Variants in RASA1 observed in about 807,000 individuals in gnomAD.
RASA1 encodes the protein ras GTPase-activating protein 1.
Under a neutral mutation model 132.2 loss-of-function variants are expected in RASA1, and 25 were observed. The observed-to-expected ratio is 0.19, with a 90% CI of 0.14 to 0.26. The LOEUF is 0.26. RASA1 is among the 10% of genes least tolerant of loss of function. The pLI is 1.00. For missense variants in RASA1, 964 were observed against 1,299.2 expected, an observed-to-expected ratio of 0.74 and a Z score of 3.97; for synonymous variants, 477 against 449.9, an observed-to-expected ratio of 1.06 and a Z score of -0.76.
At chr5:87,332,815 G>A (rs1004430519) in intron 3 of RASA1, among the ~76,000 whole-genome samples, 173 bp downstream of exon 3, 43 of 151,652 alleles carry the variant, frequency 2.8e-4, no homozygotes, top group Non-Finnish European at 5.5e-4. Flanking sequence ...GAAAAAAAAA[G>A]AAAATATTTT....
intron 1 of RASA1, among the ~76,000 whole-genome samples, chr5:87,312,116 A>G (rs1255597800): frequency 1.3e-5 from 2 of 152,270 alleles, no homozygotes; most frequent in Non-Finnish European, 2.9e-5. Context: ...GCAACCTATG[A>G]TATGCATCAG....
chr5:87,353,544 A>G (rs751700533), intron 9 of RASA1, among the ~76,000 whole-genome samples: 1 of 152,084 alleles, frequency 6.6e-6, no homozygotes, highest in Non-Finnish European at 1.5e-5. Flanking sequence ...CACAGCCAGG[A>G]TTATTAAAGC....
intron 22 of RASA1, among the ~76,000 whole-genome samples, chr5:87,386,498 T>C (rs1762069901): frequency 6.6e-6 from 1 of 152,086 alleles, no homozygotes; most frequent in South Asian, 2.1e-4. Flanking sequence ...ATAAACAATT[T>C]GTGTCTGCCA....
At chr5:87,305,537 A>C (rs1361928131) in intron 1 of RASA1, among the ~76,000 whole-genome samples, 1 of 152,234 alleles carries the variant, frequency 6.6e-6, no homozygotes, top group Non-Finnish European at 1.5e-5. Context: ...AAAACCCTGG[A>C]AGACAACATA....
rs535462783 is a variant in RASA1 at position 87,361,241 on chromosome 5, G to C, written c.1333-1310G>C. Among the ~76,000 whole-genome samples, 4 of 152,332 alleles carry C rather than the reference G, an allele frequency of 2.6e-5. No homozygotes were observed. The South Asian group carries it at 6.2e-4, about 24-fold the overall frequency. The stretch of plus-strand genomic sequence containing the variant: ...GTAAAACTTTATGTATAAAAAACAG[G>C]TGGTGGACTGGATTTAGCATGCGTG... On this transcript the variant is annotated intron_variant, in intron 9 of 24. Transcript: ENST00000274376.
rs1760193008 is a variant in RASA1 at position 87,362,580 on chromosome 5, G to A, written c.1362G>A (p.Val454=). The A allele has an allele frequency of 6.3e-7, 1 of 1,595,610 alleles. No homozygotes were observed. The highest frequency in any genetic ancestry group is 1.3e-5 in the African/African-American group (1 of 74,436). ...AAGAACAAGTACTCAATGACACAGT[G>A]GATGGCAAGGAAATCTATAATACCA... The part of the protein sequence containing the change: ...QDQEQVLNDT[V]DGKEIYNTIR... Residue 454 remains valine, a synonymous_variant, in exon 10 of 25, where the codon GTG becomes GTA. Transcript: ENST00000274376.
chr5:87,313,192 C>T (rs1234608829), intron 1 of RASA1, among the ~76,000 whole-genome samples: 1 of 152,126 alleles, frequency 6.6e-6, no homozygotes, highest in Admixed American at 6.5e-5. Flanking sequence ...GATCAAATGG[C>T]ATTTTATACT....
chr5:87,354,119 T>TA (rs1191098258), intron 9 of RASA1, among the ~76,000 whole-genome samples: 3 of 151,882 alleles, frequency 2.0e-5, no homozygotes, highest in Non-Finnish European at 1.5e-5. Context: ...AGCTACTACT[T>TA]ATTGCAGTTA....
chr5:87,338,057 A>G lies in RASA1; in HGVS notation c.983A>G (p.Gln328Arg). 1 of 1,612,378 alleles carries G rather than the reference A, an allele frequency of 6.2e-7. No individual in the cohort carries two copies. The highest frequency in any genetic ancestry group is 8.5e-7 in the Non-Finnish European group (1 of 1,179,062). Reference protein sequence around the residue: ...MWVTNLRTDEQGLIVEDLVEE... With the variant: ...MWVTNLRTDERGLIVEDLVEE... ...GTTACAAATTTAAGAACAGATGAACAAGGCCTTATTGTTGAAGACCTAGTA... is the reference window on the plus strand; with the variant it reads ...GTTACAAATTTAAGAACAGATGAACGAGGCCTTATTGTTGAAGACCTAGTA... The change falls in exon 5 of 25, where the codon CAA (glutamine) becomes CGA (arginine). Residue 328 changes from glutamine (Q) to arginine (R), a missense_variant. This residue lies in a region of RASA1 where 154 missense variants were observed against 286.5 expected (regional missense o/e 0.54). Coordinates refer to ENST00000274376, the MANE Select transcript of RASA1 (RefSeq NM_002890.3).
intron 1 of RASA1, among the ~76,000 whole-genome samples, chr5:87,308,897 A>G (rs575992693): frequency 2.0e-5 from 3 of 152,334 alleles, no homozygotes; most frequent in East Asian, 1.9e-4. Flanking sequence ...TTGTGTATGT[A>G]TACTTTATGA....
chr5:87,271,556 C>T (rs1417209009), intron 1 of RASA1, among the ~76,000 whole-genome samples: 1 of 148,152 alleles, frequency 6.7e-6, no homozygotes, highest in East Asian at 2.0e-4. Context: ...GCAAGCTCCG[C>T]CCCGCCCCTC....
At chr5:87,300,715 G>C (rs1755322968) in intron 1 of RASA1, among the ~76,000 whole-genome samples, 1 of 152,144 alleles carries the variant, frequency 6.6e-6, no homozygotes, top group Non-Finnish European at 1.5e-5. Flanking sequence ...CATACTATTA[G>C]AAGAGCTTTT....
At position 87,268,934 on chromosome 5, in the gene RASA1, A is replaced by G; in HGVS notation, c.483A>G (p.Gly161=). 6.2e-7 allele frequency: 1 copy of G among 1,614,128 alleles called. No individual in the cohort carries two copies. The highest frequency in any genetic ancestry group is 1.7e-5 in the Admixed American group (1 of 60,020). Reference sequence around the variant, plus strand: ...TGGACGAAGGTGACTCTCTGGATGGACCAGAATACGAGGAGGAAGAGGTGG... The same window carrying G: ...TGGACGAAGGTGACTCTCTGGATGGGCCAGAATACGAGGAGGAAGAGGTGG... ...GTVDEGDSLD[G]PEYEEEEVAI... Residue 161 remains glycine, a synonymous_variant, in exon 1 of 25, where the codon GGA becomes GGG. Coordinates refer to ENST00000274376, the MANE Select transcript of RASA1 (RefSeq NM_002890.3).
Position 87,349,248 on chromosome 5 carries a change from A to T in RASA1, c.1137A>T (p.Ser379=). The T allele has an allele frequency of 1.2e-6, 2 of 1,612,174 alleles. No individual in the cohort carries two copies. The highest frequency in any genetic ancestry group is 1.7e-6 in the Non-Finnish European group (2 of 1,178,708). ...GQVCSFLVRP[S]DNTPGDYSLY... is the part of the protein sequence containing the mutation. ...TCTGCAGTTTTCTTGTGAGGCCCTCAGATAATACTCCTGGCGATTATTCAC... is the reference window on the plus strand; with the variant it reads ...TCTGCAGTTTTCTTGTGAGGCCCTCTGATAATACTCCTGGCGATTATTCAC... The change falls in exon 8 of 25, where the codon TCA becomes TCT. Residue 379 remains serine (S), a synonymous_variant. Transcript: ENST00000274376.
intron 4 of RASA1, among the ~76,000 whole-genome samples, chr5:87,335,755 G>A (rs1228538229): frequency 6.6e-6 from 1 of 152,116 alleles, no homozygotes; most frequent in African/African-American, 2.4e-5. Context: ...AGTGTATAAT[G>A]TGTTAACAAC....
intron 24 of RASA1, 54 bp downstream of exon 24, chr5:87,389,581 G>T: frequency 6.3e-7 from 1 of 1,596,780 alleles, no homozygotes; most frequent in Non-Finnish European, 8.6e-7. Context: ...AACACTTAGA[G>T]AGTTAATAAA....
At chr5:87,287,512 C>CACCATATATAT (rs1364530905) in intron 1 of RASA1, among the ~76,000 whole-genome samples, 12 of 144,006 alleles carry the variant, frequency 8.3e-5, no homozygotes, top group Middle Eastern at 5.0e-3. Flanking sequence ...TATATATACC[C>CACCATATATAT]ACCATATATA....
In RASA1 at chr5:87,283,330, A is replaced by C. The variant is rs370644231; in HGVS notation, c.539+14340A>C. ...TAAAAACCTTTCCAACATCTAATACACATCAACATTAACATGTTTATTTTC... is the reference window on the plus strand; with the variant it reads ...TAAAAACCTTTCCAACATCTAATACCCATCAACATTAACATGTTTATTTTC... On this transcript the variant is annotated intron_variant, in intron 1 of 24. Transcript: ENST00000274376. Among the ~76,000 whole-genome samples, 10 of 152,096 alleles carry C rather than the reference A, an allele frequency of 6.6e-5. No homozygotes were observed. The East Asian group carries it at 1.5e-3, about 23-fold the overall frequency.
intron 9 of RASA1, 41 bp from the exon 10 acceptor site, chr5:87,362,510 C>G (rs773760921): frequency 1.3e-6 from 2 of 1,553,038 alleles, no homozygotes; most frequent in Non-Finnish European, 1.8e-6. Flanking sequence ...TCATTTCCAT[C>G]AAGAATGTAT....
Sources: allele counts gnomAD v4.1 joint callset (sites outside exome capture counted in the v4.1 genomes callset), GRCh38; gene constraint gnomAD v4.1.1; regional missense constraint gnomAD v4.1.1; transcripts MANE v1.5; gene names NCBI Gene and HGNC (gene_info 2026-07-23, HGNC 2026-07-21).